Variants in MMP21 observed in about 807,000 individuals in gnomAD.
The protein encoded by MMP21 is matrix metalloproteinase-21.
In MMP21, 40 loss-of-function variants were observed where a neutral mutation model predicts 47.8. The ratio of observed to expected loss-of-function variants is 0.84; its 90% confidence interval spans 0.65 to 1.09. The LOEUF (loss-of-function observed/expected upper bound fraction) is 1.09. Among genes scored for constraint, MMP21 ranks in the 50% least tolerant of loss-of-function variants. The pLI is 0.00. For synonymous variants in MMP21, 341 were observed against 318.0 expected, an observed-to-expected ratio of 1.07 and a Z score of -0.77; for missense variants, 747 against 775.3, an observed-to-expected ratio of 0.96 and a Z score of 0.43.
rs1231985831 is a variant in MMP21, at chr10:125,766,686, G to A, written c.1686C>T (p.Val562=). The stretch of plus-strand genomic sequence containing the variant: ...ATTACATGTTCAGTGTGGAGATATG[G>A]ACGTCACAAACATCAAACCACTTCT... ...ISEKWFDVCD[V]HISTLNM Residue 562 remains valine (V), a synonymous_variant, in exon 7 of 7, where the codon GTC becomes GTT. Transcript: ENST00000368808. 9 of 1,611,846 alleles carry A rather than the reference G, an allele frequency of 5.6e-6. No individual in the cohort carries two copies. Among genetic ancestry groups the A allele is most frequent in the Non-Finnish European group, 7.6e-6 (9 of 1,179,240 alleles).
Position 125,772,475 on chromosome 10 carries a change from T to C in MMP21, c.838-116A>G. On this transcript the variant is annotated intron_variant, in intron 3 of 6. Coordinates refer to ENST00000368808, the MANE Select transcript of MMP21 (RefSeq NM_147191.1). The surrounding 1 kb of genome is among the most constrained non-coding windows in gnomAD (Gnocchi z 5.6). ...TTGCTTGTGAAGAGGGGAGCACCGG[T>C]GGAACTGGGGAGCCATTCCACGGAT... The C allele has an allele frequency of 6.4e-7, 1 of 1,565,710 alleles. No homozygotes were observed. The highest frequency in any genetic ancestry group is 8.7e-7 in the Non-Finnish European group (1 of 1,145,288).
At position 125,773,938 on chromosome 10, in the gene MMP21, A is replaced by C; in HGVS notation, c.590T>G (p.Ile197Ser). The change falls in exon 2 of 7, where the codon ATT (isoleucine) becomes AGT (serine). Residue 197 changes from isoleucine to serine, a missense_variant. Ile to Ser is a moderately radical substitution (Grantham distance 142). Coordinates refer to ENST00000368808, the MANE Select transcript of MMP21 (RefSeq NM_147191.1). This position sits in a 1 kb window ranked among gnomAD's most constrained non-coding sequence, Gnocchi z 4.8. ...SQLSVADQRR[I>S]VALAFRMWSE... ...CCACATCCTGAAGGCCAGCGCCACA[A>C]TGCGCCGCTGGTCGGCCACGGACAG... The C allele has an allele frequency of 6.3e-7, 1 of 1,585,490 alleles. No individual in the cohort carries two copies. Among genetic ancestry groups the C allele is most frequent in the African/African-American group, 1.4e-5 (1 of 73,266 alleles).
At position 125,773,836 on chromosome 10, in the gene MMP21, C is replaced by T; in HGVS notation, c.692G>A (p.Gly231Glu). ...GGAGCCCGGGGTGCTCTTACCTCTC[C>T]CAAAGCCCAGCTTGATGTCGACCGC... ...GAAVDIKLGF[G>E]RGRHLGCPRA... Residue 231 changes from glycine (G) to glutamate (E), a missense_variant, in exon 2 of 7, where the codon GGG (glycine) becomes GAG (glutamate). By Grantham distance (98) the Gly-to-Glu change is moderately conservative (BLOSUM62 -2). Transcript: ENST00000368808. The surrounding 1 kb of genome is among the most constrained non-coding windows in gnomAD (Gnocchi z 4.8). The T allele has an allele frequency of 1.3e-6, 2 of 1,548,032 alleles. No homozygotes were observed. The highest frequency in any genetic ancestry group is 1.7e-6 in the Non-Finnish European group (2 of 1,154,288).
At chr10:125,769,450 T>C (rs915512138) in intron 5 of MMP21, among the ~76,000 whole-genome samples, 2 of 152,242 alleles carry the variant, frequency 1.3e-5, no homozygotes, top group Admixed American at 1.3e-4. Flanking sequence ...CGGGTAAGTC[T>C]GTCACCAGCT....
chr10:125,769,741 T>G (rs1037549719), intron 5 of MMP21, among the ~76,000 whole-genome samples: 4 of 152,126 alleles, frequency 2.6e-5, no homozygotes, highest in African/African-American at 9.7e-5. Context: ...TTTTTTTCCC[T>G]CCAGAACCAG....
chr10:125,775,610 T>C (rs1850508000), intron 1 of MMP21, 50 bp downstream of exon 1: 1 of 1,528,892 alleles, frequency 6.5e-7, no homozygotes, highest in Non-Finnish European at 8.8e-7. Context: ...TGTGCCTGTG[T>C]GCACGTGCAC....
Position 125,772,353 on chromosome 10 carries a change from C to T in MMP21, c.844G>A (p.Val282Ile), listed in dbSNP as rs139282906. The T allele has an allele frequency of 5.3e-5, 85 of 1,613,856 alleles. No homozygotes were observed. The highest frequency in any genetic ancestry group is 2.3e-4 in the South Asian group (21 of 91,076). Reference sequence around the variant, plus strand: ...CCCAGGACATGGCCAATTTCATGGACGGCCACCTAGAAGGGGACACACACC... The same window carrying T: ...CCCAGGACATGGCCAATTTCATGGATGGCCACCTAGAAGGGGACACACACC... ...DTGISLLKVA[V>I]HEIGHVLGLP... is the part of the protein sequence containing the mutation. Residue 282 changes from valine to isoleucine, a missense_variant, in exon 4 of 7, where the codon GTC becomes ATC. By Grantham distance (29) the Val-to-Ile change is conservative (BLOSUM62 3). Coordinates refer to ENST00000368808, the MANE Select transcript of MMP21 (RefSeq NM_147191.1). The surrounding 1 kb of genome is among the most constrained non-coding windows in gnomAD (Gnocchi z 5.6).
At chr10:125,775,584 T>C in intron 1 of MMP21, 76 bp downstream of exon 1, 1 of 1,478,242 alleles carries the variant, frequency 6.8e-7, no homozygotes, top group Non-Finnish European at 9.0e-7. Flanking sequence ...GGCCTGTGCC[T>C]GTGCGCGCGT....
chr10:125,767,199 A>G (rs995753934), intron 6 of MMP21, among the ~76,000 whole-genome samples: 9 of 152,130 alleles, frequency 5.9e-5, no homozygotes, highest in Admixed American at 2.6e-4. Flanking sequence ...AAGTGGTGCA[A>G]TCACAGCTCA....
rs1850491905 is a variant in MMP21 at position 125,774,324 on chromosome 10, G to C, written c.204C>G (p.Ala68=). 4 of 1,413,238 alleles carry C rather than the reference G, an allele frequency of 2.8e-6. No individual in the cohort carries two copies. Among genetic ancestry groups the C allele is most frequent in the Non-Finnish European group, 3.7e-6 (4 of 1,091,886 alleles). The allele number at this position is 1,413,238 out of a possible 1,614,324, so 87.5% of individuals were successfully genotyped here. The part of the protein sequence containing the change: ...SRYGWSGVWA[A]WGPSPEGPPE... ...GCGGCCCCTCGGGACTGGGCCCCCAGGCCGCCCACACCCCTGACCAGCCGT... is the reference window on the plus strand; with the variant it reads ...GCGGCCCCTCGGGACTGGGCCCCCACGCCGCCCACACCCCTGACCAGCCGT... The change falls in exon 2 of 7, where the codon GCC becomes GCG. Residue 68 remains alanine (A), a synonymous_variant. Coordinates refer to ENST00000368808, the MANE Select transcript of MMP21 (RefSeq NM_147191.1).
At position 125,772,448 on chromosome 10, in the gene MMP21, C is replaced by T. The variant is rs1004295138; in HGVS notation, c.838-89G>A. Reference sequence around the variant, plus strand: ...ACGCAGGCCTGTGCTTCGAGAGGAGCGTTGCTTGTGAAGAGGGGAGCACCG... The same window carrying T: ...ACGCAGGCCTGTGCTTCGAGAGGAGTGTTGCTTGTGAAGAGGGGAGCACCG... On this transcript the variant is annotated intron_variant, in intron 3 of 6. Coordinates refer to ENST00000368808, the MANE Select transcript of MMP21 (RefSeq NM_147191.1). This position sits in a 1 kb window ranked among gnomAD's most constrained non-coding sequence, Gnocchi z 5.6. 45 of 1,583,318 alleles carry T rather than the reference C, an allele frequency of 2.8e-5. No individual in the cohort carries two copies. Among genetic ancestry groups the T allele is most frequent in the South Asian group, 4.6e-5 (4 of 87,482 alleles).
Position 125,773,744 on chromosome 10 carries a change from A to G in MMP21, c.697+87T>C. The stretch of plus-strand genomic sequence containing the variant: ...ACAGGCCGGGAGGGCTTAGCCCCCC[A>G]TTCTGCAGGTGGCCGAGGTGGGGGT... On this transcript the variant is annotated intron_variant, in intron 2 of 6. Transcript: ENST00000368808. This position sits in a 1 kb window ranked among gnomAD's most constrained non-coding sequence, Gnocchi z 4.8. 3 of 1,422,276 alleles carry G rather than the reference A, an allele frequency of 2.1e-6. No homozygotes were observed. The highest frequency in any genetic ancestry group is 2.1e-4 in the Middle Eastern group (1 of 4,824). The allele number at this position is 1,422,276 out of a possible 1,614,324, so 88.1% of individuals were successfully genotyped here. A position where few individuals can be genotyped will look rare whatever the true frequency, so the allele number is the denominator to read the frequency against.
rs759588431 is a variant in MMP21, at chr10:125,767,660, T to G, written c.1282A>C (p.Thr428Pro). ...RYDSDKDQAL[T>P]EDEQGKSYPK... ...TAGCTTTTTCCTTGTTCATCTTCTG[T>G]GAGGGCCTGATCCTTGTCACTGTCA... is the stretch of plus-strand genomic sequence containing the variant. The change falls in exon 6 of 7, where the codon ACA (threonine) becomes CCA (proline). Residue 428 changes from threonine (T) to proline (P), a missense_variant. Physicochemically the swap from Thr to Pro is conservative, Grantham distance 38 (BLOSUM62 -1). Coordinates refer to ENST00000368808, the MANE Select transcript of MMP21 (RefSeq NM_147191.1). 1 of 1,614,192 alleles carries G rather than the reference T, an allele frequency of 6.2e-7. No individual in the cohort carries two copies. Among genetic ancestry groups the G allele is most frequent in the South Asian group, 1.1e-5 (1 of 91,086 alleles).
Position 125,775,264 on chromosome 10 carries a change from C to A in MMP21, c.162+396G>T, listed in dbSNP as rs1035084983. Among the ~76,000 whole-genome samples, 4 of 152,184 alleles carry A rather than the reference C, an allele frequency of 2.6e-5. No individual in the cohort carries two copies. In the East Asian group the frequency reaches 5.8e-4, roughly 22 times the overall value. On this transcript the variant is annotated intron_variant, in intron 1 of 6. Transcript: ENST00000368808. ...ACAGCTGTTAGGATCCTTACTATTG[C>A]GGTGTTGGGGAACCTTGCAGGGCTG...
chr10:125,767,892 T>TA (rs1850403871), intron 5 of MMP21, among the ~76,000 whole-genome samples, 188 bp from the exon 6 acceptor site: 1 of 152,182 alleles, frequency 6.6e-6, no homozygotes, highest in South Asian at 2.1e-4. Flanking sequence ...GAATTACTCT[T>TA]ACATTTAACC....
At position 125,773,004 on chromosome 10, in the gene MMP21, C is replaced by T. The variant is rs1306782275; in HGVS notation, c.698-254G>A. ...AGGGGAGCGGGGCTGGGTGAGAGCC[C>T]GGCTGGGGGCCTGGGAAGATGGCAA... On this transcript the variant is annotated intron_variant, in intron 2 of 6. Transcript: ENST00000368808. The surrounding 1 kb of genome is among the most constrained non-coding windows in gnomAD (Gnocchi z 4.8). Among the ~76,000 whole-genome samples, 5 of 152,176 alleles carry T rather than the reference C, an allele frequency of 3.3e-5. No homozygotes were observed. The highest frequency in any genetic ancestry group is 7.2e-5 in the African/African-American group (3 of 41,448).
chr10:125,768,482 G>A (rs1850409829), intron 5 of MMP21, among the ~76,000 whole-genome samples: 1 of 152,110 alleles, frequency 6.6e-6, no homozygotes, highest in South Asian at 2.1e-4. Context: ...CTGGATATTT[G>A]GCATCTTGCC....
At chr10:125,770,783 G>A (rs908863282) in intron 4 of MMP21, among the ~76,000 whole-genome samples, 192 bp from the exon 5 acceptor site, 1 of 151,766 alleles carries the variant, frequency 6.6e-6, no homozygotes, top group Non-Finnish European at 1.5e-5. Flanking sequence ...CACCTTGGGA[G>A]ACCGAGACAG....
intron 4 of MMP21, among the ~76,000 whole-genome samples, chr10:125,771,739 C>T (rs1282223986): frequency 6.6e-6 from 1 of 152,214 alleles, no homozygotes; most frequent in Non-Finnish European, 1.5e-5. Context: ...GGACAGCTTT[C>T]TTCCCTTGGG....
Sources: allele counts gnomAD v4.1 joint callset (sites outside exome capture counted in the v4.1 genomes callset), GRCh38; gene constraint gnomAD v4.1.1; non-coding constraint Gnocchi (gnomAD v3.1); transcripts MANE v1.5; gene names NCBI Gene and HGNC (gene_info 2026-07-23, HGNC 2026-07-21).